The following NIPBL variants were observed in gnomAD, a reference collection of about 807,000 sequenced individuals.
The protein encoded by NIPBL is NIPBL cohesin loading factor.
A neutral mutation model predicts 321.8 loss-of-function variants in NIPBL; 19 were observed. The observed-to-expected ratio is 0.06, with a 90% confidence interval of 0.04 to 0.09. The LOEUF is 0.09. Ranked by LOEUF, NIPBL falls within the 10% of genes least tolerant of loss-of-function variation. The probability of loss-of-function intolerance (pLI) is 1.00; values close to 1 mark genes in which losing one functional copy is unlikely to be tolerated. For missense variants in NIPBL, 2,210 were observed against 3,327.0 expected (o/e 0.66, Z 8.26); for synonymous variants, 1,106 against 1,114.1 (o/e 0.99, Z 0.14).
intron 1 of NIPBL, among the ~76,000 whole-genome samples, chr5:36,926,861 T>A (rs777152407): frequency 6.6e-6 from 1 of 152,208 alleles, no homozygotes; most frequent in Admixed American, 6.5e-5. Context: ...ATTGTGTAAA[T>A]TCAAGTTGAA....
At chr5:37,057,736 C>G (rs576195874) in intron 43 of NIPBL, among the ~76,000 whole-genome samples, 74 of 152,270 alleles carry the variant, frequency 4.9e-4, no homozygotes, top group African/African-American at 1.8e-3. Context: ...ATTTATGACA[C>G]CATTGACTTT....
At chr5:36,885,319 C>T (rs760037703) in intron 1 of NIPBL, 13 of 489,042 alleles carry the variant, frequency 2.7e-5, no homozygotes, top group African/African-American at 7.9e-5. Context: ...TCTATGCAGG[C>T]GCCAGGGGCT....
At chr5:37,045,308 C>T in intron 36 of NIPBL, 135 bp from the exon 37 acceptor site, 1 of 634,372 alleles carries the variant, frequency 1.6e-6, no homozygotes, top group Non-Finnish European at 2.7e-6. Flanking sequence ...GAGCCAAGAT[C>T]ATGTCACTGC....
intron 32 of NIPBL, among the ~76,000 whole-genome samples, chr5:37,032,432 T>TGTGTGTGTGTA (rs1751165727): frequency 1.4e-5 from 2 of 138,916 alleles, no homozygotes; most frequent in South Asian, 4.6e-4. Flanking sequence ...TGTGTGTGTG[T>TGTGTGTGTGTA]GTGTGTAGTG....
intron 39 of NIPBL, 90 bp from the exon 40 acceptor site, chr5:37,049,021 G>T: frequency 2.3e-6 from 3 of 1,295,488 alleles, no homozygotes; most frequent in South Asian, 2.4e-5. Flanking sequence ...GTAACGTTTT[G>T]TGATTTTGGT....
At chr5:36,992,139 A>G (rs933971057) in intron 10 of NIPBL, among the ~76,000 whole-genome samples, 2 of 152,188 alleles carry the variant, frequency 1.3e-5, no homozygotes, top group Admixed American at 6.5e-5. Context: ...AGAAGCTGAA[A>G]ATTTGATATC....
Position 37,044,427 on chromosome 5 carries a change from A to G in NIPBL, c.6189A>G (p.Glu2063=). The change falls in exon 35 of 47, where the codon GAA becomes GAG. Residue 2063 remains glutamate, a synonymous_variant. Transcript: ENST00000282516. The part of the protein sequence containing the change: ...LVVPLMEHPS[E]TFLATIEEDL... ...TACCACTGATGGAGCATCCAAGTGA[A>G]ACTTTTCTTGCCACTATTGAGGAAG... The G allele has an allele frequency of 6.2e-7, 1 of 1,614,010 alleles. No homozygotes were observed. The highest frequency in any genetic ancestry group is 1.1e-5 in the South Asian group (1 of 91,084).
intron 1 of NIPBL, among the ~76,000 whole-genome samples, chr5:36,928,001 A>T (rs199679798): frequency 0.014 from 2,053 of 150,908 alleles, 51 homozygotes; most frequent in African/African-American, 0.046. Context: ...TTTTTTTTTT[A>T]AATTTTCTAC....
intron 1 of NIPBL, among the ~76,000 whole-genome samples, chr5:36,906,537 A>G (rs1380858423): frequency 6.6e-6 from 1 of 152,168 alleles, no homozygotes; most frequent in Non-Finnish European, 1.5e-5. Flanking sequence ...TATTTCTGCT[A>G]CCAGGACAGA....
At chr5:37,039,083 TATA>T (rs1233864384) in intron 34 of NIPBL, among the ~76,000 whole-genome samples, 1 of 151,882 alleles carries the variant, frequency 6.6e-6, no homozygotes, top group Non-Finnish European at 1.5e-5. Context: ...TCATTTATAA[TATA>T]ATAAATATAA....
At chr5:37,030,524 T>G (rs1390473453) in intron 32 of NIPBL, among the ~76,000 whole-genome samples, 1 of 152,216 alleles carries the variant, frequency 6.6e-6, no homozygotes, top group Non-Finnish European at 1.5e-5. Flanking sequence ...ACATGCTTAC[T>G]GTTTTTACAT....
At chr5:36,995,250 C>T (rs1302543613) in intron 10 of NIPBL, 1 of 186,348 alleles carries the variant, frequency 5.4e-6, no homozygotes, top group Non-Finnish European at 1.1e-5. Context: ...AATTTATGTA[C>T]TACCAAGAAT....
At chr5:36,974,098 T>G (rs865810244) in intron 8 of NIPBL, among the ~76,000 whole-genome samples, 1 of 152,160 alleles carries the variant, frequency 6.6e-6, no homozygotes, top group African/African-American at 2.4e-5. Flanking sequence ...CCACAAGTGT[T>G]GTCAAGGTGA....
rs1160369695 is a variant in NIPBL, at chr5:37,038,758, A to G, written c.6108+20A>G. On this transcript the variant is annotated intron_variant, in intron 34 of 46. Transcript: ENST00000282516. ...TGTAGTGTAAGTATAGAGCTGTCTT[A>G]TTCTTGTATCTTACATAAAACATTA... The G allele has an allele frequency of 6.2e-7, 1 of 1,610,624 alleles. No individual in the cohort carries two copies.
chr5:36,962,749 G>C (rs932674245), intron 6 of NIPBL, among the ~76,000 whole-genome samples: 1 of 152,076 alleles, frequency 6.6e-6, no homozygotes, highest in South Asian at 2.1e-4. Flanking sequence ...TTTTCTTGTC[G>C]TTATTACATA....
At chr5:37,036,598 T>C in intron 33 of NIPBL, 111 bp downstream of exon 33, 3 of 354,140 alleles carry the variant, frequency 8.5e-6, no homozygotes, top group South Asian at 5.3e-5. Context: ...TAATGATTAC[T>C]TCACTTTTAA....
In NIPBL at chr5:36,918,813, A is replaced by G. The variant is rs535014678; in HGVS notation, c.-79-34805A>G. Among the ~76,000 whole-genome samples the G allele has an allele frequency of 9.4e-4, 143 of 152,234 alleles. 1 individual carries two copies. The highest frequency in any genetic ancestry group is 3.3e-3 in the African/African-American group (136 of 41,536). On this transcript the variant is annotated intron_variant, in intron 1 of 46. Transcript: ENST00000282516. ...GGTTTTTGTCTTTGGTTCTGTTTATATGATGGATTACGTTTATTGATTTTT... is the reference window on the plus strand; with the variant it reads ...GGTTTTTGTCTTTGGTTCTGTTTATGTGATGGATTACGTTTATTGATTTTT...
At chr5:36,937,145 A>G (rs914570799) in intron 1 of NIPBL, among the ~76,000 whole-genome samples, 2 of 152,146 alleles carry the variant, frequency 1.3e-5, no homozygotes. Context: ...TGGTCCTCTC[A>G]TTCATTTATG....
chr5:36,921,786 G>A (rs1217496787), intron 1 of NIPBL, among the ~76,000 whole-genome samples: 1 of 151,984 alleles, frequency 6.6e-6, no homozygotes, highest in Non-Finnish European at 1.5e-5. Context: ...TTGAGTTTTG[G>A]TAAATCATAA....
Sources: gnomAD v4.1 joint callset for allele counts (sites outside exome capture counted in the v4.1 genomes callset) on GRCh38, gnomAD v4.1.1 for gene constraint, MANE v1.5 for transcripts, NCBI Gene and HGNC (gene_info 2026-07-23, HGNC 2026-07-21) for gene names.